Variants in TADA2A observed in about 807,000 individuals in gnomAD.
The protein encoded by TADA2A is transcriptional adapter 2-alpha.
A neutral mutation model predicts 67.4 loss-of-function variants in TADA2A; 38 were observed. The observed-to-expected ratio is 0.56, with a 90% confidence interval of 0.44 to 0.74. The LOEUF (loss-of-function observed/expected upper bound fraction) is 0.74, where lower values mean the gene tolerates loss of function less well. TADA2A is among the 30% of genes least tolerant of loss of function. TADA2A has a pLI of 0.00. For missense variants in TADA2A, 454 were observed against 547.0 expected (o/e 0.83, Z 1.70); for synonymous variants, 192 against 181.6 (o/e 1.06, Z -0.46).
intron 12 of TADA2A, among the ~76,000 whole-genome samples, chr17:37,469,494 A>G (rs2053739482): frequency 6.6e-6 from 1 of 151,938 alleles, no homozygotes; most frequent in African/African-American, 2.4e-5. Flanking sequence ...TTAGCTGGGC[A>G]TGGTGGCGCA....
chr17:37,453,991 T>C (rs1455426103), intron 8 of TADA2A, among the ~76,000 whole-genome samples: 1 of 152,012 alleles, frequency 6.6e-6, no homozygotes, highest in East Asian at 1.9e-4. Flanking sequence ...CAGGCTGGTC[T>C]TGAACTCCTT....
At chr17:37,417,279 G>A (rs1450607029) in intron 2 of TADA2A, among the ~76,000 whole-genome samples, 1 of 151,716 alleles carries the variant, frequency 6.6e-6, no homozygotes, top group African/African-American at 2.4e-5. Flanking sequence ...GGGAGGCTGA[G>A]GCAGGAGAGT....
intron 1 of TADA2A, 45 bp downstream of exon 1, chr17:37,406,994 G>T (rs2051564175): frequency 6.8e-6 from 1 of 147,924 alleles, no homozygotes; most frequent in South Asian, 1.8e-4. Context: ...GCGGGTGGCG[G>T]AGCGCGAGCC....
In TADA2A at chr17:37,442,570, A is replaced by T. The variant is rs1403132471; in HGVS notation, c.449A>T (p.Asp150Val). The change falls in exon 7 of 16, where the codon GAT becomes GTT. Residue 150 changes from aspartate to valine, a missense_variant. By Grantham distance (152) the Asp-to-Val change is radical. This residue lies in a region of TADA2A where 403 missense variants were observed against 455.5 expected (regional missense o/e 0.88). Transcript: ENST00000615182. ...ADTAIPFHST[D>V]DPPRPTFDSL... ...ACCTTCTAAATTCTTCCAGCTACAG[A>T]TGACCCTCCCCGACCTACCTTTGAC... The T allele has an allele frequency of 4.3e-6, 7 of 1,613,324 alleles. No individual in the cohort carries two copies. Among genetic ancestry groups the T allele is most frequent in the Non-Finnish European group, 5.9e-6 (7 of 1,179,770 alleles).
At position 37,422,263 on chromosome 17, in the gene TADA2A, C is replaced by A. The variant is rs563888004; in HGVS notation, c.26-1246C>A. 1.3e-4 allele frequency among the ~76,000 whole-genome samples: 17 copies of A among 129,020 alleles called. 1 individual carries two copies. Among genetic ancestry groups the A allele is most frequent in the African/African-American group, 3.7e-4 (14 of 37,344 alleles). 84.6% of individuals were successfully genotyped at this position (129,020 alleles called of 152,430 possible). The stretch of plus-strand genomic sequence containing the variant: ...GTTTCACCATCTTGGCCAGGCTGGT[C>A]TTGAACTCCTCACCTCATGATCCAC... On this transcript the variant is annotated intron_variant, in intron 2 of 15. Coordinates refer to ENST00000615182, the MANE Select transcript of TADA2A (RefSeq NM_001166105.3).
intron 10 of TADA2A, among the ~76,000 whole-genome samples, chr17:37,465,204 T>C (rs952728445): frequency 5.9e-5 from 9 of 151,992 alleles, no homozygotes; most frequent in Non-Finnish European, 1.3e-4. Context: ...GTGGAGATGA[T>C]CTCCAGTGTT....
chr17:37,463,406 T>A (rs899413950), intron 10 of TADA2A, among the ~76,000 whole-genome samples: 2 of 151,972 alleles, frequency 1.3e-5, no homozygotes, highest in African/African-American at 4.8e-5. Flanking sequence ...ATATATAGCA[T>A]CGTAGGGTTC....
At chr17:37,426,770 A>C in intron 3 of TADA2A, 180 bp from the exon 4 acceptor site, 1 of 486,848 alleles carries the variant, frequency 2.1e-6, no homozygotes. Context: ...CCTTGAGCCT[A>C]GGAGTTCAAG....
At chr17:37,451,627 T>A (rs905420457) in intron 8 of TADA2A, among the ~76,000 whole-genome samples, 7 of 151,940 alleles carry the variant, frequency 4.6e-5, no homozygotes, top group South Asian at 4.2e-4. Flanking sequence ...TGGCCTTTTT[T>A]AAAAATTAAA....
At chr17:37,417,209 G>A (rs1196990357) in intron 2 of TADA2A, among the ~76,000 whole-genome samples, 2 of 151,534 alleles carry the variant, frequency 1.3e-5, no homozygotes, top group South Asian at 2.1e-4. Context: ...GTGAAACCCC[G>A]CCTCTACTGA....
At chr17:37,462,355 G>T (rs111360228) in intron 10 of TADA2A, among the ~76,000 whole-genome samples, 5 of 152,002 alleles carry the variant, frequency 3.3e-5, no homozygotes, top group African/African-American at 1.2e-4. Flanking sequence ...GGGGCCAGGC[G>T]CGGTGGCTCT....
chr17:37,426,496 C>T lies in TADA2A; in HGVS notation c.133-454C>T, dbSNP rs117235055. ...CAGCCTGGCCAAGGTGGTGAAATCC[C>T]GTCTCTGCTAAAAATACGAAAATTA... On this transcript the variant is annotated intron_variant, in intron 3 of 15. Transcript: ENST00000615182. 8.2e-3 allele frequency: 1,246 copies of T among 152,008 alleles called. 12 individuals carry two copies. The highest frequency in any genetic ancestry group is 0.013 in the Non-Finnish European group (869 of 68,094). The allele number at this position is 152,008 out of a possible 1,614,324, so 9.4% of individuals were successfully genotyped here.
intron 8 of TADA2A, among the ~76,000 whole-genome samples, chr17:37,457,669 G>A (rs2053433443): frequency 6.7e-6 from 1 of 150,026 alleles, no homozygotes; most frequent in African/African-American, 2.5e-5. Flanking sequence ...GCTAATTTTT[G>A]TATTTTTATA....
At chr17:37,457,218 A>G (rs1356652358) in intron 8 of TADA2A, among the ~76,000 whole-genome samples, 3 of 144,156 alleles carry the variant, frequency 2.1e-5, no homozygotes, top group Admixed American at 7.2e-5. Flanking sequence ...TCTTGCAGCA[A>G]TGCCCTGGCT....
In TADA2A at chr17:37,411,135, G is replaced by C. The variant is rs982857543; in HGVS notation, c.-97-134G>C. The C allele has an allele frequency of 6.9e-6, 4 of 583,670 alleles. No homozygotes were observed. The African/African-American group carries it at 7.4e-5, about 11-fold the overall frequency. The allele number at this position is 583,670 out of a possible 1,614,324, so 36.2% of individuals were successfully genotyped here. A position where few individuals can be genotyped will look rare whatever the true frequency, so the allele number is the denominator to read the frequency against. On this transcript the variant is annotated intron_variant, in intron 1 of 15. Transcript: ENST00000615182. ...ATACCCACTACAGAGGAAGAAACAG[G>C]TTTTCAGAGGTGGAATAATTTTTCA...
chr17:37,426,995 A>G lies in TADA2A; in HGVS notation c.178A>G (p.Thr60Ala), dbSNP rs748673452. The G allele has an allele frequency of 6.3e-7, 1 of 1,588,194 alleles. No homozygotes were observed. Among genetic ancestry groups the G allele is most frequent in the Non-Finnish European group, 8.6e-7 (1 of 1,167,404 alleles). Reference sequence around the variant, plus strand: ...GTACAAGAAACATCAAAGCGATCATACTTATGAAATAATGGTAATGATGAA... The same window carrying G: ...GTACAAGAAACATCAAAGCGATCATGCTTATGAAATAATGGTAATGATGAA... ...FEYKKHQSDH[T>A]YEIMTSDFPV... Residue 60 changes from threonine to alanine, a missense_variant, in exon 4 of 16, where the codon ACT becomes GCT. Physicochemically the swap from Thr to Ala is moderately conservative, Grantham distance 58 (BLOSUM62 0). Transcript: ENST00000615182.
intron 11 of TADA2A, among the ~76,000 whole-genome samples, 167 bp from the exon 12 acceptor site, chr17:37,467,287 C>G (rs1390663152): frequency 2.6e-5 from 4 of 152,232 alleles, no homozygotes; most frequent in Non-Finnish European, 5.9e-5. Flanking sequence ...TTTTCCTCAG[C>G]TCTTGGGTAA....
chr17:37,461,265 A>G (rs2148022400), intron 9 of TADA2A, among the ~76,000 whole-genome samples: 1 of 152,170 alleles, frequency 6.6e-6, no homozygotes, highest in Non-Finnish European at 1.5e-5. Context: ...GACAGGAGGC[A>G]GAGTTCAGAC....
At chr17:37,442,496 A>T (rs1363727729) in intron 6 of TADA2A, 68 bp from the exon 7 acceptor site, 14 of 1,134,490 alleles carry the variant, frequency 1.2e-5, no homozygotes, top group Middle Eastern at 4.0e-4. Flanking sequence ...TTATTCTTGG[A>T]CTATTATGTC....
Sources: allele counts gnomAD v4.1 joint callset (sites outside exome capture counted in the v4.1 genomes callset), GRCh38; gene constraint gnomAD v4.1.1; regional missense constraint gnomAD v4.1.1; transcripts MANE v1.5; gene names NCBI Gene and HGNC (gene_info 2026-07-23, HGNC 2026-07-21).